The following UTRN variants were observed in gnomAD, a reference collection of about 807,000 sequenced individuals.
UTRN encodes dystrophin-related protein 1.
In UTRN, 283 loss-of-function variants were observed where a neutral mutation model predicts 463.9. The ratio of observed to expected loss-of-function variants is 0.61; its 90% CI spans 0.55 to 0.67. UTRN has a LOEUF of 0.67. UTRN is among the 30% of genes least tolerant of loss of function. The pLI, the probability that UTRN is intolerant of heterozygous loss-of-function variation, is 0.00. For synonymous variants in UTRN, 1,442 were observed against 1,431.5 expected (o/e 1.01, Z -0.17); for missense variants, 3,922 against 4,084.3 (o/e 0.96, Z 1.08).
At chr6:144,539,547 C>A in intron 45 of UTRN, 104 bp downstream of exon 45, 1 of 1,186,264 alleles carries the variant, frequency 8.4e-7, no homozygotes, top group Non-Finnish European at 1.1e-6. Flanking sequence ...CCAAATGGGG[C>A]AAATTTTACT....
At chr6:144,297,225 G>A (rs538683668) in intron 2 of UTRN, among the ~76,000 whole-genome samples, 13 of 152,142 alleles carry the variant, frequency 8.5e-5, no homozygotes, top group African/African-American at 2.9e-4. Context: ...CAAAGGGTTG[G>A]TTGAGGAGTG....
Position 144,510,968 on chromosome 6 carries a change from A to G in UTRN, c.4789A>G (p.Arg1597Gly), listed in dbSNP as rs1029078514. The change falls in exon 35 of 75, where the codon AGA becomes GGA. Residue 1597 changes from arginine to glycine, a missense_variant. Physicochemically the swap from Arg to Gly is moderately radical, Grantham distance 125. Around this residue, in one of 3 missense-constraint regions of UTRN, gnomAD observed 2,349 missense variants for 2,303.8 expected, o/e 1.02. Transcript: ENST00000367545. ...GAATGTTCTGAAGGATCTGGAAAAG[A>G]GAAAAGCTGATTTAAATACCATCAC... ...AKNVLKDLEK[R>G]KADLNTITES... 1.2e-6 allele frequency: 2 copies of G among 1,603,038 alleles called. No individual in the cohort carries two copies. The highest frequency in any genetic ancestry group is 2.2e-5 in the South Asian group (2 of 89,700).
intron 51 of UTRN, among the ~76,000 whole-genome samples, chr6:144,592,354 A>G (rs1433499944): frequency 6.6e-6 from 1 of 152,026 alleles, no homozygotes; most frequent in Non-Finnish European, 1.5e-5. Flanking sequence ...GAACAATGAA[A>G]AGCTTTTTAA....
intron 51 of UTRN, among the ~76,000 whole-genome samples, chr6:144,640,023 C>T (rs1777606020): frequency 6.6e-6 from 1 of 151,702 alleles, no homozygotes; most frequent in African/African-American, 2.4e-5. Flanking sequence ...AAAAATGGCC[C>T]AGTGAACAAA....
chr6:144,338,200 G>T (rs925979405), intron 2 of UTRN, among the ~76,000 whole-genome samples: 1 of 151,964 alleles, frequency 6.6e-6, no homozygotes, highest in South Asian at 2.1e-4. Flanking sequence ...ACCAACAGTC[G>T]CATAATGAGT....
intron 10 of UTRN, among the ~76,000 whole-genome samples, chr6:144,437,126 G>A (rs1341641442): frequency 6.6e-6 from 1 of 151,518 alleles, no homozygotes; most frequent in African/African-American, 2.4e-5. Flanking sequence ...CTAATTTTTT[G>A]TGTTTTTAGT....
intron 51 of UTRN, among the ~76,000 whole-genome samples, chr6:144,627,893 G>A (rs189351881): frequency 4.0e-5 from 6 of 149,318 alleles, no homozygotes; most frequent in African/African-American, 1.5e-4. Context: ...TCCGTCTCCC[G>A]GGTTCAAGCG....
chr6:144,633,349 C>T (rs1776743024), intron 51 of UTRN, among the ~76,000 whole-genome samples: 1 of 151,944 alleles, frequency 6.6e-6, no homozygotes, highest in African/African-American at 2.4e-5. Context: ...CCTGCCTCAG[C>T]CTCCTGAGTA....
chr6:144,363,790 C>T (rs1779272648), intron 2 of UTRN, among the ~76,000 whole-genome samples: 1 of 152,130 alleles, frequency 6.6e-6, no homozygotes, highest in Non-Finnish European at 1.5e-5. Context: ...GCTGTGGATA[C>T]TGATGGCAAT....
At chr6:144,424,891 A>G (rs117169230) in intron 6 of UTRN, among the ~76,000 whole-genome samples, 2 of 152,204 alleles carry the variant, frequency 1.3e-5, no homozygotes, top group African/African-American at 2.4e-5. Flanking sequence ...ATAATATGAG[A>G]TGTAAAATAT....
chr6:144,666,838 A>G (rs1261905018), intron 51 of UTRN, among the ~76,000 whole-genome samples: 3 of 152,176 alleles, frequency 2.0e-5, no homozygotes, highest in Non-Finnish European at 1.5e-5. Context: ...TGGGCCAGCT[A>G]TGCAGTCCTG....
At chr6:144,340,950 T>C (rs765160766) in intron 2 of UTRN, among the ~76,000 whole-genome samples, 4 of 152,230 alleles carry the variant, frequency 2.6e-5, no homozygotes, top group Non-Finnish European at 5.9e-5. Flanking sequence ...TGCACTTGTG[T>C]GTGTTCAATG....
intron 3 of UTRN, among the ~76,000 whole-genome samples, chr6:144,413,300 C>T (rs1423857824): frequency 2.0e-5 from 3 of 152,104 alleles, no homozygotes; most frequent in Admixed American, 6.5e-5. Context: ...GCCATTTACT[C>T]GAGTGTATTA....
At chr6:144,370,489 G>A (rs1408109728) in intron 2 of UTRN, among the ~76,000 whole-genome samples, 1 of 152,210 alleles carries the variant, frequency 6.6e-6, no homozygotes, top group Non-Finnish European at 1.5e-5. Context: ...ATGCCTGGAT[G>A]TCCAGGCAGA....
At chr6:144,597,666 A>G (rs1803796521) in intron 51 of UTRN, among the ~76,000 whole-genome samples, 1 of 152,222 alleles carries the variant, frequency 6.6e-6, no homozygotes, top group East Asian at 1.9e-4. Flanking sequence ...TCAAGTTTCT[A>G]TTCTTAAGCT....
chr6:144,601,021 T>C (rs893686739), intron 51 of UTRN, among the ~76,000 whole-genome samples: 7 of 152,216 alleles, frequency 4.6e-5, no homozygotes, highest in Admixed American at 2.0e-4. Flanking sequence ...GCACACCTGT[T>C]TGCAGCATGA....
In UTRN at chr6:144,751,894, C is replaced by A; in HGVS notation, c.8297C>A (p.Pro2766His). The A allele has an allele frequency of 6.2e-7, 1 of 1,612,122 alleles. No homozygotes were observed. Residue 2766 changes from proline to histidine, a missense_variant, in exon 56 of 75, where the codon CCC becomes CAC. Pro to His is a moderately conservative substitution (Grantham distance 77, BLOSUM62 -2). Transcript: ENST00000367545. Reference sequence around the variant, plus strand: ...CAGCTGTCTCCACTTGACCTGCATCCCTCTCTAAAGATGTCTCGCCAGCTA... The same window carrying A: ...CAGCTGTCTCCACTTGACCTGCATCACTCTCTAAAGATGTCTCGCCAGCTA... Reference protein sequence around the residue: ...SSQLSPLDLHPSLKMSRQLDD... With the variant: ...SSQLSPLDLHHSLKMSRQLDD...
chr6:144,323,553 C>T (rs960467828), intron 2 of UTRN, among the ~76,000 whole-genome samples: 3 of 152,196 alleles, frequency 2.0e-5, no homozygotes, highest in African/African-American at 7.2e-5. Flanking sequence ...TAAAAGTTTG[C>T]AGTCATTTAG....
At chr6:144,732,214 T>TTTTA (rs1319415092) in intron 54 of UTRN, among the ~76,000 whole-genome samples, 3 of 92,300 alleles carry the variant, frequency 3.3e-5, no homozygotes, top group East Asian at 4.9e-4. Flanking sequence ...GTACTCTGTT[T>TTTTA]TATATATATA....
Sources: allele counts gnomAD v4.1 joint callset (sites outside exome capture counted in the v4.1 genomes callset), GRCh38; gene constraint gnomAD v4.1.1; regional missense constraint gnomAD v4.1.1; transcripts MANE v1.5; gene names NCBI Gene and HGNC (gene_info 2026-07-23, HGNC 2026-07-21).